The following ADGRB3 variants were observed in gnomAD, a reference collection of about 807,000 sequenced individuals.
The protein encoded by ADGRB3 is adhesion G protein-coupled receptor B3.
In ADGRB3, 37 loss-of-function variants were observed where a neutral mutation model predicts 193.4. The observed-to-expected ratio is 0.19, with a 90% CI of 0.15 to 0.25. The LOEUF is 0.25. ADGRB3 is among the 10% of genes least tolerant of loss of function. The probability of loss-of-function intolerance (pLI) is 1.00; values close to 1 mark genes in which losing one functional copy is unlikely to be tolerated. For missense variants in ADGRB3, 1,637 were observed against 1,852.9 expected, an observed-to-expected ratio of 0.88 and a Z score of 2.14; for synonymous variants, 690 against 644.2, an observed-to-expected ratio of 1.07 and a Z score of -1.08.
chr6:68,824,285 A>G (rs1401106797), intron 3 of ADGRB3, among the ~76,000 whole-genome samples: 1 of 151,688 alleles, frequency 6.6e-6, no homozygotes, highest in Non-Finnish European at 1.5e-5. Context: ...TTAGGTCAGT[A>G]CTCTTCATGT....
intron 27 of ADGRB3, among the ~76,000 whole-genome samples, chr6:69,354,611 G>A (rs755673338): frequency 1.3e-5 from 2 of 152,148 alleles, no homozygotes; most frequent in Non-Finnish European, 2.9e-5. Context: ...TTTATGCATA[G>A]GATCATGTGG....
chr6:69,194,782 C>T (rs897042249), intron 17 of ADGRB3, among the ~76,000 whole-genome samples: 3 of 152,088 alleles, frequency 2.0e-5, no homozygotes, highest in Non-Finnish European at 4.4e-5. Flanking sequence ...AGGTTTGAAA[C>T]CAACTGTGAA....
At chr6:68,664,310 T>C (rs1396693395) in intron 3 of ADGRB3, among the ~76,000 whole-genome samples, 1 of 151,780 alleles carries the variant, frequency 6.6e-6, no homozygotes, top group African/African-American at 2.4e-5. Flanking sequence ...ATTGAATGTT[T>C]TTGCCATCCT....
At chr6:69,134,447 C>T (rs192198650) in intron 17 of ADGRB3, among the ~76,000 whole-genome samples, 1 of 152,230 alleles carries the variant, frequency 6.6e-6, no homozygotes, top group African/African-American at 2.4e-5. Flanking sequence ...ACTGTGAAAA[C>T]ATATTTGGGA....
chr6:68,725,585 G>T (rs1765658460), intron 3 of ADGRB3, among the ~76,000 whole-genome samples: 1 of 151,672 alleles, frequency 6.6e-6, no homozygotes. Context: ...CATGGTTTTA[G>T]CCTGAGTAAC....
At chr6:69,011,427 G>A (rs905332059) in intron 11 of ADGRB3, among the ~76,000 whole-genome samples, 8 of 151,732 alleles carry the variant, frequency 5.3e-5, no homozygotes, top group African/African-American at 1.9e-4. Context: ...CTAAATATTG[G>A]GTACTCATGC....
chr6:68,995,929 T>A (rs1769371824), intron 11 of ADGRB3, among the ~76,000 whole-genome samples: 1 of 152,164 alleles, frequency 6.6e-6, no homozygotes, highest in East Asian at 1.9e-4. Context: ...CTTCCCACAA[T>A]TTTATACAAA....
chr6:69,098,411 A>G (rs370102929), intron 17 of ADGRB3, among the ~76,000 whole-genome samples: 24 of 152,352 alleles, frequency 1.6e-4, no homozygotes, highest in African/African-American at 5.5e-4. Flanking sequence ...TGACTACTGT[A>G]TTAGTCCATT....
At position 69,361,128 on chromosome 6, in the gene ADGRB3, G is replaced by A. The variant is rs192064488; in HGVS notation, c.3855G>A (p.Thr1285=). Residue 1285 remains threonine (T), a synonymous_variant, in exon 29 of 32, where the codon ACG becomes ACA. Coordinates refer to ENST00000370598, the MANE Select transcript of ADGRB3 (RefSeq NM_001704.3). ...TGCGGAGAACTGTGTACTTATGTAC[G>A]GATGATAATTTGAGAGGGGCTGACA... ...SELRRTVYLC[T]DDNLRGADMD... is the part of the protein sequence containing the mutation. The A allele has an allele frequency of 8.1e-6, 13 of 1,612,806 alleles. No homozygotes were observed. Among genetic ancestry groups the A allele is most frequent in the East Asian group, 4.5e-5 (2 of 44,814 alleles).
intron 17 of ADGRB3, among the ~76,000 whole-genome samples, chr6:69,157,194 T>C (rs1048819446): frequency 5.9e-5 from 9 of 152,308 alleles, no homozygotes; most frequent in African/African-American, 1.7e-4. Context: ...GAGAATTACA[T>C]GAGTTAAAAT....
chr6:69,081,159 A>T (rs1485274632), intron 17 of ADGRB3, among the ~76,000 whole-genome samples: 1 of 152,056 alleles, frequency 6.6e-6, no homozygotes, highest in Non-Finnish European at 1.5e-5. Flanking sequence ...TAAGATGTTA[A>T]AATTCCATAG....
chr6:68,739,667 AGAG>A (rs1371001286), intron 3 of ADGRB3, among the ~76,000 whole-genome samples: 3 of 152,148 alleles, frequency 2.0e-5, no homozygotes, highest in Admixed American at 1.3e-4. Flanking sequence ...ATATGGAAAG[AGAG>A]GAGAAGTGAA....
intron 3 of ADGRB3, among the ~76,000 whole-genome samples, chr6:68,876,344 C>T (rs1040960476): frequency 7.2e-5 from 11 of 152,222 alleles, no homozygotes; most frequent in Admixed American, 2.0e-4. Flanking sequence ...AAGAGATGAT[C>T]AGGCTGTGAT....
chr6:69,282,696 T>A (rs1767462600), intron 20 of ADGRB3, among the ~76,000 whole-genome samples: 1 of 152,202 alleles, frequency 6.6e-6, no homozygotes, highest in Admixed American at 6.5e-5. Flanking sequence ...GACTATAAGC[T>A]TCTTAGAACA....
At chr6:68,971,121 G>A (rs1287083117) in intron 8 of ADGRB3, among the ~76,000 whole-genome samples, 10 of 152,128 alleles carry the variant, frequency 6.6e-5, no homozygotes, top group Non-Finnish European at 1.2e-4. Context: ...ATAGTTGGCC[G>A]TCAGTATTCA....
intron 17 of ADGRB3, among the ~76,000 whole-genome samples, chr6:69,223,794 G>C (rs1004896758): frequency 2.6e-4 from 40 of 151,326 alleles, no homozygotes; most frequent in African/African-American, 7.0e-4. Flanking sequence ...GTAGTTGGGA[G>C]TACAGGCAGG....
intron 3 of ADGRB3, among the ~76,000 whole-genome samples, chr6:68,683,826 A>G (rs1024459854): frequency 1.3e-5 from 2 of 152,228 alleles, no homozygotes; most frequent in Non-Finnish European, 2.9e-5. Flanking sequence ...CAAATGCCCC[A>G]TATAAGGCAT....
At chr6:68,656,377 C>G (rs1016806825) in intron 3 of ADGRB3, among the ~76,000 whole-genome samples, 7 of 151,442 alleles carry the variant, frequency 4.6e-5, no homozygotes, top group African/African-American at 1.7e-4. Flanking sequence ...CACATAATCT[C>G]TTAGAGAGAA....
intron 10 of ADGRB3, among the ~76,000 whole-genome samples, chr6:68,987,586 A>G (rs1769116218): frequency 4.6e-5 from 7 of 152,168 alleles, no homozygotes; most frequent in Non-Finnish European, 1.0e-4. Context: ...TGAAAGCACC[A>G]TATAAAACCT....
Sources: allele counts gnomAD v4.1 joint callset (sites outside exome capture counted in the v4.1 genomes callset), GRCh38; gene constraint gnomAD v4.1.1; transcripts MANE v1.5; gene names NCBI Gene and HGNC (gene_info 2026-07-23, HGNC 2026-07-21).